The following LSAMP variants were observed in gnomAD, a reference collection of about 807,000 sequenced individuals.
LSAMP encodes the protein limbic system associated membrane protein.
LSAMP carries 7 observed loss-of-function variants against 38.6 expected under a neutral mutation model. The ratio of observed to expected loss-of-function variants is 0.18; its 90% CI spans 0.10 to 0.34. The LOEUF is 0.34. Ranked by LOEUF, LSAMP falls within the 10% of genes least tolerant of loss-of-function variation. LSAMP has a pLI of 1.00. For missense variants in LSAMP, 313 were observed against 420.0 expected (o/e 0.75, Z 2.23); for synonymous variants, 154 against 166.8 (o/e 0.92, Z 0.59).
At chr3:115,944,456 T>A (rs1357584152) in intron 3 of LSAMP, among the ~76,000 whole-genome samples, 1 of 152,110 alleles carries the variant, frequency 6.6e-6, no homozygotes, top group Admixed American at 6.6e-5. Context: ...TCCATCCTCT[T>A]ATAGTTTAAT....
Position 116,178,763 on chromosome 3 carries a change from T to C in LSAMP, c.156-92207A>G, listed in dbSNP as rs562900400. On this transcript the variant is annotated intron_variant, in intron 1 of 6. Coordinates refer to ENST00000490035, the MANE Select transcript of LSAMP (RefSeq NM_002338.5). ...CTATCCCACCCTTCAAAACAGATAA[T>C]AAAAATAAATAAATTTTAAAATTAA... is the stretch of plus-strand genomic sequence containing the variant. 1.4e-4 allele frequency among the ~76,000 whole-genome samples: 22 copies of C among 152,168 alleles called. No homozygotes were observed. The South Asian group carries it at 3.9e-3, about 27-fold the overall frequency.
intron 3 of LSAMP, among the ~76,000 whole-genome samples, chr3:116,012,039 C>T (rs1325338799): frequency 1.3e-5 from 2 of 152,148 alleles, no homozygotes; most frequent in Non-Finnish European, 2.9e-5. Flanking sequence ...TCCACAGGAG[C>T]TTTACAACCA....
At chr3:116,178,853 C>T (rs1710416240) in intron 1 of LSAMP, among the ~76,000 whole-genome samples, 2 of 152,114 alleles carry the variant, frequency 1.3e-5, no homozygotes, top group East Asian at 3.8e-4. Flanking sequence ...AACTCCCTAC[C>T]TGAAGTTCCT....
chr3:116,005,453 G>A (rs1216516451), intron 3 of LSAMP, among the ~76,000 whole-genome samples: 2 of 152,106 alleles, frequency 1.3e-5, no homozygotes, highest in African/African-American at 2.4e-5. Context: ...AACATTATGG[G>A]TTACTCCTGC....
intron 1 of LSAMP, among the ~76,000 whole-genome samples, chr3:116,390,921 G>C (rs987970562): frequency 6.6e-6 from 1 of 151,972 alleles, no homozygotes; most frequent in African/African-American, 2.4e-5. Flanking sequence ...TTCCAGCGGG[G>C]TTCACTCAGA....
At chr3:116,154,708 C>G (rs1709700890) in intron 1 of LSAMP, among the ~76,000 whole-genome samples, 2 of 152,082 alleles carry the variant, frequency 1.3e-5, no homozygotes, top group African/African-American at 4.8e-5. Flanking sequence ...TTCCCCCATC[C>G]CTACTCATTT....
chr3:116,418,774 T>A (rs146499571), intron 1 of LSAMP, among the ~76,000 whole-genome samples: 1 of 152,266 alleles, frequency 6.6e-6, no homozygotes, highest in Non-Finnish European at 1.5e-5. Context: ...GATAAATAGA[T>A]AGATAGATAT....
intron 1 of LSAMP, among the ~76,000 whole-genome samples, chr3:116,396,949 C>T (rs752253623): frequency 2.6e-5 from 4 of 152,126 alleles, no homozygotes; most frequent in South Asian, 2.1e-4. Context: ...ATTCAAAATA[C>T]GATCAATTCT....
chr3:116,011,148 C>T (rs953171606), intron 3 of LSAMP, among the ~76,000 whole-genome samples: 5 of 152,148 alleles, frequency 3.3e-5, no homozygotes, highest in East Asian at 3.9e-4. Flanking sequence ...GGACCACAGG[C>T]GCACGCCACC....
chr3:116,039,883 G>A (rs1040921137), intron 2 of LSAMP, among the ~76,000 whole-genome samples: 69 of 152,282 alleles, frequency 4.5e-4, no homozygotes, highest in African/African-American at 1.5e-3. Context: ...GTCTCTTTAA[G>A]GTTCACCTTT....
intron 1 of LSAMP, among the ~76,000 whole-genome samples, chr3:116,208,350 C>T (rs2046099207): frequency 6.6e-6 from 1 of 151,572 alleles, no homozygotes; most frequent in Non-Finnish European, 1.5e-5. Flanking sequence ...GTTTGAATGT[C>T]CTCCCGTAGC....
At chr3:116,005,720 C>T (rs557364440) in intron 3 of LSAMP, among the ~76,000 whole-genome samples, 3 of 152,144 alleles carry the variant, frequency 2.0e-5, no homozygotes, top group Non-Finnish European at 2.9e-5. Context: ...CTCACACATG[C>T]GTAAAACAAA....
At chr3:116,146,745 T>C (rs1709499240) in intron 1 of LSAMP, among the ~76,000 whole-genome samples, 1 of 151,858 alleles carries the variant, frequency 6.6e-6, no homozygotes, top group South Asian at 2.1e-4. Context: ...GATTGTCAAA[T>C]AGAAGATGGG....
At chr3:115,909,239 C>T (rs995845686) in intron 3 of LSAMP, among the ~76,000 whole-genome samples, 6 of 152,156 alleles carry the variant, frequency 3.9e-5, no homozygotes, top group South Asian at 2.1e-4. Context: ...TGAAATTCCA[C>T]GTTTTGATTC....
chr3:115,852,463 C>T lies in LSAMP; in HGVS notation c.649+20G>A, dbSNP rs745884946. On this transcript the variant is annotated intron_variant, in intron 4 of 6. Coordinates refer to ENST00000490035, the MANE Select transcript of LSAMP (RefSeq NM_002338.5). ...GTGCACCCTGGGCACCTAGCACCTGCTGGCTCCTGCCGTACTCACAGTTCA... is the reference window on the plus strand; with the variant it reads ...GTGCACCCTGGGCACCTAGCACCTGTTGGCTCCTGCCGTACTCACAGTTCA... 7 of 1,594,558 alleles carry T rather than the reference C, an allele frequency of 4.4e-6. No homozygotes were observed. In the South Asian group the frequency reaches 8.0e-5, roughly 18 times the overall value.
At chr3:115,817,668 C>A (rs1934075987) in intron 6 of LSAMP, among the ~76,000 whole-genome samples, 1 of 152,158 alleles carries the variant, frequency 6.6e-6, no homozygotes, top group Non-Finnish European at 1.5e-5. Context: ...AATACAGAAC[C>A]TGTCTTTTTG....
chr3:116,439,042 A>T, intron 1 of LSAMP, among the ~76,000 whole-genome samples: 1 of 152,134 alleles, frequency 6.6e-6, no homozygotes, highest in East Asian at 1.9e-4. Context: ...ATTGGTTTTT[A>T]CCTCTATGTA....
At chr3:115,980,748 C>A (rs1370455830) in intron 3 of LSAMP, among the ~76,000 whole-genome samples, 1 of 152,156 alleles carries the variant, frequency 6.6e-6, no homozygotes, top group Non-Finnish European at 1.5e-5. Flanking sequence ...AAAGGACAAG[C>A]CCCAAGGTCC....
intron 4 of LSAMP, among the ~76,000 whole-genome samples, chr3:115,846,658 C>T (rs1935169817): frequency 6.6e-6 from 1 of 152,122 alleles, no homozygotes; most frequent in African/African-American, 2.4e-5. Context: ...ATGGATTTAA[C>T]CCCAGGTTTA....
Sources: allele counts gnomAD v4.1 joint callset (sites outside exome capture counted in the v4.1 genomes callset), GRCh38; gene constraint gnomAD v4.1.1; transcripts MANE v1.5; gene names NCBI Gene and HGNC (gene_info 2026-07-23, HGNC 2026-07-21).